Variants in SRP19 observed in about 807,000 individuals in gnomAD.
The protein encoded by SRP19 is signal recognition particle 19.
Under a neutral mutation model 22.4 loss-of-function variants are expected in SRP19, and 11 were observed. The ratio of observed to expected loss-of-function variants is 0.49; its 90% CI spans 0.31 to 0.81. The LOEUF (loss-of-function observed/expected upper bound fraction) is 0.81. Ranked by LOEUF, SRP19 falls within the 40% of genes least tolerant of loss-of-function variation. The pLI, the probability that SRP19 is intolerant of heterozygous loss-of-function variation, is 0.05. For synonymous variants in SRP19, 61 were observed against 57.6 expected, an observed-to-expected ratio of 1.06 and a Z score of -0.27; for missense variants, 168 against 175.9, an observed-to-expected ratio of 0.96 and a Z score of 0.25.
At chr5:112,878,680 G>C in intron 4 of SRP19, 1 of 1,485,674 alleles carries the variant, frequency 6.7e-7, no homozygotes. Flanking sequence ...TCTCAAAAAT[G>C]TTTCCAAGGC....
chr5:112,866,958 A>G (rs1469733606), intron 4 of SRP19, among the ~76,000 whole-genome samples: 4 of 152,194 alleles, frequency 2.6e-5, no homozygotes, highest in African/African-American at 9.7e-5. Flanking sequence ...GAATGCATGT[A>G]AGTGTAGATC....
At chr5:112,887,074 C>A (rs775434915) in intron 4 of SRP19, 1 of 1,613,736 alleles carries the variant, frequency 6.2e-7, no homozygotes, top group South Asian at 1.1e-5. Flanking sequence ...CTTGACCACA[C>A]TGTCCATCTG....
chr5:112,861,747 G>T (rs1767406816), intron 1 of SRP19, among the ~76,000 whole-genome samples: 1 of 152,212 alleles, frequency 6.6e-6, no homozygotes, highest in Non-Finnish European at 1.5e-5. Context: ...GTTGCGTTCA[G>T]AAAGGCTCAT....
At chr5:112,876,432 G>A (rs1385896956) in intron 4 of SRP19, 2 of 152,162 alleles carry the variant, frequency 1.3e-5, no homozygotes, top group Non-Finnish European at 2.9e-5. Context: ...TCCATTCAGT[G>A]TATCACATCT....
downstream of SRP19, among the ~76,000 whole-genome samples, chr5:112,872,395 C>G (rs997723939): frequency 3.7e-5 from 5 of 135,100 alleles, no homozygotes; most frequent in Admixed American, 3.5e-4. Flanking sequence ...GTGGCACAAT[C>G]TCAGCCCACT....
At chr5:112,863,641 T>C (rs890123345) in intron 2 of SRP19, among the ~76,000 whole-genome samples, 1 of 152,174 alleles carries the variant, frequency 6.6e-6, no homozygotes, top group African/African-American at 2.4e-5. Flanking sequence ...GGTGTGAGTA[T>C]GCCAAAGTCT....
chr5:112,861,988 C>T (rs1451278003), intron 1 of SRP19, among the ~76,000 whole-genome samples: 1 of 152,046 alleles, frequency 6.6e-6, no homozygotes, highest in Non-Finnish European at 1.5e-5. Flanking sequence ...CATAGGTGTA[C>T]CAGCAATGAT....
chr5:112,887,815 C>A (rs1768307214), intron 4 of SRP19, among the ~76,000 whole-genome samples: 1 of 152,040 alleles, frequency 6.6e-6, no homozygotes. Flanking sequence ...GACAAGAATT[C>A]TGCCCTAATT....
rs1261187336 is a variant in SRP19 at position 112,889,503 on chromosome 5, T to C, written c.302-2100T>C. Among the ~76,000 whole-genome samples the C allele has an allele frequency of 1.3e-5, 2 of 150,906 alleles. 1 individual carries two copies. Among genetic ancestry groups the C allele is most frequent in the African/African-American group, 4.9e-5 (2 of 40,634 alleles). On this transcript the variant is annotated intron_variant, in intron 4 of 4. Coordinates refer to the SRP19 transcript ENST00000391338. ...AAGAATATTAAAATTCCTGAACTTG[T>C]ATATACCTTTGAAATACGTAAATTA...
chr5:112,879,759 A>G (rs1768013504), intron 4 of SRP19, among the ~76,000 whole-genome samples: 3 of 152,060 alleles, frequency 2.0e-5, no homozygotes, highest in Admixed American at 2.0e-4. Flanking sequence ...TACAGACGTA[A>G]GCCACCATGC....
chr5:112,861,861 C>T (rs1767410604), intron 1 of SRP19, among the ~76,000 whole-genome samples: 1 of 152,034 alleles, frequency 6.6e-6, no homozygotes, highest in Admixed American at 6.5e-5. Flanking sequence ...TAACAGTTAC[C>T]CAAGTCGTTT....
intron 4 of SRP19, chr5:112,877,226 T>C (rs1767924637): frequency 6.6e-6 from 1 of 152,212 alleles, no homozygotes; most frequent in Admixed American, 6.5e-5. Context: ...AGTATTGATA[T>C]CTTTAATATT....
rs981532751 is a variant in SRP19, at chr5:112,891,533, CAT to C, written c.302-68_302-67del. 4.1e-6 allele frequency: 6 copies of C among 1,465,606 alleles called. No homozygotes were observed. The African/African-American group carries it at 5.6e-5, about 14-fold the overall frequency. The allele number at this position is 1,465,606 out of a possible 1,614,324, so 90.8% of individuals were successfully genotyped here. ...ATGCAAACAAAACAATACTAGAAAACATAAAATATTCATAAGTAGAATCACTG... is the reference window on the plus strand; with the variant it reads ...ATGCAAACAAAACAATACTAGAAAACAAAATATTCATAAGTAGAATCACTG... On this transcript the variant is annotated intron_variant, in intron 4 of 4. Coordinates refer to the SRP19 transcript ENST00000391338.
intron 1 of SRP19, chr5:112,862,254 A>T (rs1229538973): frequency 3.7e-6 from 2 of 545,928 alleles, no homozygotes; most frequent in South Asian, 2.1e-5. Flanking sequence ...GACCTGTGCC[A>T]GTCTGATTGG....
chr5:112,885,290 C>T, intron 4 of SRP19: 1 of 172,940 alleles, frequency 5.8e-6, no homozygotes, highest in Non-Finnish European at 1.3e-5. Context: ...AGAAAGCAAG[C>T]TCAAATGAGT....
Position 112,893,012 on chromosome 5 carries a change from G to A in SRP19, c.*1405G>A, listed in dbSNP as rs61733664. ...AGCCGGAGCCAAAGTTCCTCTAGGT[G>A]CCGAAGTCGTGGGAGGAGGAAGTCG... On this transcript the variant is annotated 3_prime_UTR_variant, in exon 5 of 5. Coordinates refer to the SRP19 transcript ENST00000391338. The A allele has an allele frequency of 1.4e-3, 2,148 of 1,561,716 alleles. 29 individuals are homozygous for A. In the African/African-American group the frequency reaches 0.025, roughly 18 times the overall value.
intron 4 of SRP19, chr5:112,886,946 G>C (rs1449668260): frequency 8.5e-7 from 1 of 1,178,304 alleles, no homozygotes; most frequent in African/African-American, 1.5e-5. Flanking sequence ...AGGCCAGGAA[G>C]CCTGTTATTT....
chr5:112,892,029 A>G, exon 5 of SRP19: 1 of 1,404,896 alleles, frequency 7.1e-7, no homozygotes, highest in Non-Finnish European at 1.0e-6. Context: ...AGGAGCAGAA[A>G]CAACAGGAGA....
intron 4 of SRP19, among the ~76,000 whole-genome samples, chr5:112,886,625 A>G (rs1223195651): frequency 6.6e-6 from 1 of 152,204 alleles, no homozygotes; most frequent in South Asian, 2.1e-4. Context: ...TTTTCCTGCT[A>G]GTATAGCTTT....
Sources: gnomAD v4.1 joint callset for allele counts (sites outside exome capture counted in the v4.1 genomes callset) on GRCh38, gnomAD v4.1.1 for gene constraint, MANE v1.5 for transcripts, NCBI Gene and HGNC (gene_info 2026-07-23, HGNC 2026-07-21) for gene names.